Variants in CCDC125 observed in about 807,000 individuals in gnomAD.
The protein encoded by CCDC125 is coiled-coil domain containing 125.
Under a neutral mutation model 57.4 loss-of-function variants are expected in CCDC125, and 43 were observed. That is an observed-to-expected ratio of 0.75 (90% confidence interval 0.59 to 0.97). The LOEUF is 0.97. Among genes scored for constraint, CCDC125 ranks in the 50% least tolerant of loss-of-function variants. CCDC125 has a pLI of 0.00. For missense variants in CCDC125, 563 were observed against 595.7 expected, an observed-to-expected ratio of 0.95 and a Z score of 0.57; for synonymous variants, 187 against 195.2, an observed-to-expected ratio of 0.96 and a Z score of 0.35.
In CCDC125 at chr5:69,294,856, G is replaced by T; in HGVS notation, c.861C>A (p.Asn287Lys). Residue 287 changes from asparagine (N) to lysine (K), a missense_variant, in exon 9 of 12, where the codon AAC becomes AAA. Physicochemically the swap from Asn to Lys is moderately conservative, Grantham distance 94. Transcript: ENST00000396496. The stretch of plus-strand genomic sequence containing the variant: ...CTGCCATTCTGGCACAAGAACAGGG[G>T]TTCCCTCCGGGCCCATGACAAAGGC... ...GACLCHGPGG[N>K]PCSCARMAAS... The T allele has an allele frequency of 6.2e-7, 1 of 1,614,168 alleles. No homozygotes were observed. The highest frequency in any genetic ancestry group is 1.1e-5 in the South Asian group (1 of 91,080).
At chr5:69,283,996 A>C (rs1314652389) in intron 11 of CCDC125, among the ~76,000 whole-genome samples, 3 of 149,874 alleles carry the variant, frequency 2.0e-5, no homozygotes, top group African/African-American at 7.4e-5. Flanking sequence ...TCACCGTGTT[A>C]GTCAGGATGG....
chr5:69,313,626 T>C, intron 3 of CCDC125: 2 of 736,412 alleles, frequency 2.7e-6, no homozygotes, highest in African/African-American at 1.7e-5. Flanking sequence ...ATAGAGGGCG[T>C]AGAGGCAATC....
intron 1 of CCDC125, among the ~76,000 whole-genome samples, chr5:69,328,892 C>A (rs1296076891): frequency 6.6e-6 from 1 of 151,716 alleles, no homozygotes; most frequent in Non-Finnish European, 1.5e-5. Flanking sequence ...CTCCTGGGTT[C>A]ACACCATTCT....
chr5:69,294,020 G>A (rs4266362), intron 9 of CCDC125: 131,053 of 328,210 alleles, frequency 0.4, 27,593 homozygotes, highest in East Asian at 0.51. Context: ...GACCTACCCC[G>A]TCCAAAGCCA....
chr5:69,331,819 C>T (rs1006072036), intron 1 of CCDC125, among the ~76,000 whole-genome samples: 1 of 152,214 alleles, frequency 6.6e-6, no homozygotes, highest in African/African-American at 2.4e-5. Context: ...GCCTTCCTGA[C>T]TCCCTTGGAC....
At position 69,320,365 on chromosome 5, in the gene CCDC125, G is replaced by A. The variant is rs567711559; in HGVS notation, c.176C>T (p.Pro59Leu). 2 of 1,614,026 alleles carry A rather than the reference G, an allele frequency of 1.2e-6. No individual in the cohort carries two copies. Among genetic ancestry groups the A allele is most frequent in the South Asian group, 2.2e-5 (2 of 91,074 alleles). ...TTCTCCCTTTCTCGGAAATGGAGGA[G>A]GGCTAAAGTTCTTTCCATCTGATCT... Reference protein sequence around the residue: ...RKRSDGKNFSPPPFPRKGEER... With the variant: ...RKRSDGKNFSLPPFPRKGEER... Residue 59 changes from proline to leucine, a missense_variant, in exon 2 of 12, where the codon CCT (proline) becomes CTT (leucine). Physicochemically the swap from Pro to Leu is moderately conservative, Grantham distance 98. Coordinates refer to ENST00000396496, the MANE Select transcript of CCDC125 (RefSeq NM_176816.5).
intron 8 of CCDC125, among the ~76,000 whole-genome samples, chr5:69,297,808 A>C (rs930682675): frequency 6.6e-6 from 1 of 151,114 alleles, no homozygotes; most frequent in African/African-American, 2.4e-5. Flanking sequence ...AAAAAATAAA[A>C]AAAAAACATT....
At chr5:69,313,728 GGAT>G (rs1463882388) in intron 3 of CCDC125, 3 of 774,610 alleles carry the variant, frequency 3.9e-6, no homozygotes, top group Non-Finnish European at 4.8e-6. Flanking sequence ...CTCCCCTTCA[GGAT>G]GATGTTCTTC....
chr5:69,331,106 C>A (rs1761362249), intron 1 of CCDC125, among the ~76,000 whole-genome samples: 1 of 152,016 alleles, frequency 6.6e-6, no homozygotes, highest in Non-Finnish European at 1.5e-5. Context: ...AGTTTGTGAC[C>A]AGCCTGGCCA....
chr5:69,315,450 C>CAAAAAAA (rs1359288696), intron 2 of CCDC125, among the ~76,000 whole-genome samples: 2 of 4,864 alleles, frequency 4.1e-4, no homozygotes, highest in African/African-American at 8.2e-4. Context: ...AAAAAAAAAA[C>CAAAAAAA]AAAAAAAAAA....
intron 10 of CCDC125, among the ~76,000 whole-genome samples, chr5:69,288,450 C>A (rs1753861668): frequency 6.6e-6 from 1 of 152,130 alleles, no homozygotes; most frequent in African/African-American, 2.4e-5. Context: ...CCATAAAAAC[C>A]CAAAAGGGTC....
chr5:69,296,130 C>T (rs1755283084), intron 8 of CCDC125, among the ~76,000 whole-genome samples: 1 of 152,040 alleles, frequency 6.6e-6, no homozygotes, highest in Admixed American at 6.6e-5. Flanking sequence ...GATCTGCCCG[C>T]CTCAGCCTCC....
chr5:69,313,695 T>G, intron 3 of CCDC125: 5 of 762,878 alleles, frequency 6.6e-6, no homozygotes, highest in Non-Finnish European at 9.8e-6. Context: ...CTGGTCCACA[T>G]TGCCCACCAG....
rs577550622 is a variant in CCDC125 at position 69,302,263 on chromosome 5, A to C, written c.700+1584T>G. Among the ~76,000 whole-genome samples the C allele has an allele frequency of 2.6e-5, 4 of 151,078 alleles. No individual in the cohort carries two copies. The South Asian group carries it at 8.4e-4, about 32-fold the overall frequency. ...ATGGTGAAACCCTGCCTCTACTAAAAATACAAAAATTAGCCAGGTGTGGTG... is the reference window on the plus strand; with the variant it reads ...ATGGTGAAACCCTGCCTCTACTAAACATACAAAAATTAGCCAGGTGTGGTG... On this transcript the variant is annotated intron_variant, in intron 7 of 11. Coordinates refer to ENST00000396496, the MANE Select transcript of CCDC125 (RefSeq NM_176816.5).
At position 69,307,933 on chromosome 5, in the gene CCDC125, A is replaced by G. The variant is rs758323064; in HGVS notation, c.531+18T>C. The G allele has an allele frequency of 3.8e-6, 6 of 1,592,350 alleles. No homozygotes were observed. Among genetic ancestry groups the G allele is most frequent in the Non-Finnish European group, 4.3e-6 (5 of 1,160,380 alleles). On this transcript the variant is annotated intron_variant, in intron 5 of 11. Coordinates refer to ENST00000396496, the MANE Select transcript of CCDC125 (RefSeq NM_176816.5). Reference sequence around the variant, plus strand: ...AGCTTATTGGATTCAATAAGTCTACACTAAAAGCACCAAATACCTTCTCCA... The same window carrying G: ...AGCTTATTGGATTCAATAAGTCTACGCTAAAAGCACCAAATACCTTCTCCA...
At chr5:69,308,272 G>A in intron 4 of CCDC125, 1 of 514,682 alleles carries the variant, frequency 1.9e-6, no homozygotes, top group Non-Finnish European at 3.5e-6. Flanking sequence ...GTTCAGAACA[G>A]TACTATTCAT....
At position 69,282,652 on chromosome 5, in the gene CCDC125, C is replaced by T; in HGVS notation, c.*77G>A. ...AGGAAACATACAACTTCTCAAGATG[C>T]AGCAAAATTTACAAAATCATTTTTC... On this transcript the variant is annotated 3_prime_UTR_variant, in exon 12 of 12. Coordinates refer to ENST00000396496, the MANE Select transcript of CCDC125 (RefSeq NM_176816.5). 2.2e-5 allele frequency: 28 copies of T among 1,255,044 alleles called. No homozygotes were observed. The highest frequency in any genetic ancestry group is 3.1e-5 in the Non-Finnish European group (28 of 906,034). 77.7% of individuals were successfully genotyped at this position (1,255,044 alleles called of 1,614,324 possible). A position where few individuals can be genotyped will look rare whatever the true frequency, so the allele number is the denominator to read the frequency against.
At chr5:69,292,718 C>A (rs186989872) in intron 9 of CCDC125, among the ~76,000 whole-genome samples, 13 of 152,260 alleles carry the variant, frequency 8.5e-5, no homozygotes, top group African/African-American at 2.6e-4. Context: ...CAGCTTTGGG[C>A]CATTCCAGAC....
intron 7 of CCDC125, among the ~76,000 whole-genome samples, chr5:69,302,200 T>C (rs1467680966): frequency 3.3e-5 from 5 of 151,694 alleles, no homozygotes; most frequent in African/African-American, 1.2e-4. Context: ...GGTGGGTGGA[T>C]CATTTGAGGT....
Sources: gnomAD v4.1 joint callset for allele counts (sites outside exome capture counted in the v4.1 genomes callset) on GRCh38, gnomAD v4.1.1 for gene constraint, MANE v1.5 for transcripts, NCBI Gene and HGNC (gene_info 2026-07-23, HGNC 2026-07-21) for gene names.